PCDHGA9: variants seen among roughly 807,000 people sequenced by gnomAD.
PCDHGA9 encodes protocadherin gamma subfamily A, 9.
Under a neutral mutation model 62.5 loss-of-function variants are expected in PCDHGA9, and 37 were observed. The ratio of observed to expected loss-of-function variants is 0.59; its 90% CI spans 0.46 to 0.78. PCDHGA9 has a LOEUF of 0.78. PCDHGA9 is among the 30% of genes least tolerant of loss of function. The pLI is 0.00. For synonymous variants in PCDHGA9, 459 were observed against 484.6 expected (o/e 0.95, Z 0.69); for missense variants, 1,138 against 1,166.2 (o/e 0.98, Z 0.35).
chr5:141,482,248 C>G (rs1056466272), intron 1 of PCDHGA9, among the ~76,000 whole-genome samples: 1 of 152,084 alleles, frequency 6.6e-6, no homozygotes, highest in African/African-American at 2.4e-5. Context: ...AAGTATAGTA[C>G]TGTACATATT....
chr5:141,405,140 G>A lies in PCDHGA9; in HGVS notation c.2188G>A (p.Asp730Asn). ...HSSHLLRATS[D>N]GLAGVPTSHF... ...CTCGCATCTGCTGCGGGCTACCAGTGATGGGTTGGCTGGTGTGCCCACCTC... is the reference window on the plus strand; with the variant it reads ...CTCGCATCTGCTGCGGGCTACCAGTAATGGGTTGGCTGGTGTGCCCACCTC... Residue 730 changes from aspartate (D) to asparagine (N), a missense_variant, in exon 1 of 4, where the codon GAT (aspartate) becomes AAT (asparagine). Physicochemically the swap from Asp to Asn is conservative, Grantham distance 23. Transcript: ENST00000573521. The A allele has an allele frequency of 6.2e-7, 1 of 1,614,072 alleles. No individual in the cohort carries two copies. The highest frequency in any genetic ancestry group is 8.5e-7 in the Non-Finnish European group (1 of 1,179,926).
chr5:141,456,748 A>C (rs1448893002), intron 1 of PCDHGA9, among the ~76,000 whole-genome samples: 1 of 151,852 alleles, frequency 6.6e-6, no homozygotes, highest in Non-Finnish European at 1.5e-5. Context: ...GAGCATCATG[A>C]GGTCAGGAGT....
In PCDHGA9 at chr5:141,402,990, T is replaced by A. The variant is rs773089843; in HGVS notation, c.38T>A (p.Leu13Ter). ...ACCAAATGCCAGCTCCGCGGAAGAT[T>A]AGTCCTGCTATGCTCGCTCCTGGGG... ...APTKCQLRGR[L>*]VLLCSLLGML... The change falls in exon 1 of 4, where the codon TTA (leucine) becomes TAA (stop). Residue 13 changes from leucine to a stop codon, truncating the protein, a stop_gained. Transcript: ENST00000573521. LOFTEE classifies it high-confidence loss of function. The A allele has an allele frequency of 1.6e-5, 26 of 1,611,934 alleles. No homozygotes were observed. Among genetic ancestry groups the A allele is most frequent in the Non-Finnish European group, 2.0e-5 (23 of 1,179,258 alleles).
intron 1 of PCDHGA9, chr5:141,419,183 A>G (rs1453963573): frequency 1.9e-6 from 3 of 1,613,958 alleles, no homozygotes; most frequent in Non-Finnish European, 1.7e-6. Context: ...AACCCTGCAC[A>G]TTACTGACGT....
At chr5:141,421,322 T>A (rs774885270) in intron 1 of PCDHGA9, 1 of 1,613,864 alleles carries the variant, frequency 6.2e-7, no homozygotes, top group Non-Finnish European at 8.5e-7. Context: ...GCCAGGCAGA[T>A]CCGATATTCG....
chr5:141,451,976 A>T (rs2098729884), intron 1 of PCDHGA9, among the ~76,000 whole-genome samples: 1 of 152,164 alleles, frequency 6.6e-6, no homozygotes, highest in Non-Finnish European at 1.5e-5. Flanking sequence ...TTTTTGCTGT[A>T]GTTTGTTCAT....
At chr5:141,428,613 CAAGAT>C (rs1385471747) in intron 1 of PCDHGA9, 1 of 212,608 alleles carries the variant, frequency 4.7e-6, no homozygotes, top group African/African-American at 2.3e-5. Flanking sequence ...AAGAGAATAA[CAAGAT>C]AAGCTCTAAC....
intron 1 of PCDHGA9, chr5:141,415,450 C>T (rs774745130): frequency 1.9e-6 from 3 of 1,614,202 alleles, no homozygotes; most frequent in Non-Finnish European, 2.5e-6. Flanking sequence ...GACCTATTCC[C>T]ACGAGGTCTC....
chr5:141,411,924 C>G lies in PCDHGA9; in HGVS notation c.2424+6548C>G, dbSNP rs116336964. ...TTGCCTTTGCACTCAGTCTCTGTCTCTGATTCTCTGATAGAAGATTTTTGA... is the reference window on the plus strand; with the variant it reads ...TTGCCTTTGCACTCAGTCTCTGTCTGTGATTCTCTGATAGAAGATTTTTGA... On this transcript the variant is annotated intron_variant, in intron 1 of 3. Coordinates refer to ENST00000573521, the MANE Select transcript of PCDHGA9 (RefSeq NM_018921.3). The G allele has an allele frequency of 5.8e-4, 88 of 152,306 alleles. 1 individual carries two copies. Among genetic ancestry groups the G allele is most frequent in the African/African-American group, 2.0e-3 (83 of 41,556 alleles). 9.4% of individuals were successfully genotyped at this position (152,306 alleles called of 1,614,324 possible). A position where few individuals can be genotyped will look rare whatever the true frequency, so the allele number is the denominator to read the frequency against.
chr5:141,482,049 C>G (rs1456071625), intron 1 of PCDHGA9, among the ~76,000 whole-genome samples: 2 of 149,284 alleles, frequency 1.3e-5, no homozygotes, highest in Non-Finnish European at 3.0e-5. Context: ...CATGCTGTTG[C>G]ATTCCAGCCT....
At chr5:141,478,804 G>C (rs765938054) in intron 1 of PCDHGA9, 48 of 1,462,396 alleles carry the variant, frequency 3.3e-5, no homozygotes, top group Non-Finnish European at 4.1e-5. Context: ...GCACTCTTTT[G>C]CTATCACAAC....
intron 1 of PCDHGA9, among the ~76,000 whole-genome samples, chr5:141,430,159 A>G (rs1324343997): frequency 6.6e-6 from 1 of 152,176 alleles, no homozygotes; most frequent in Non-Finnish European, 1.5e-5. Context: ...CAAGGAATCT[A>G]TTTAAAAATA....
In PCDHGA9 at chr5:141,477,955, C is replaced by T. The variant is rs748233998; in HGVS notation, c.2425-16852C>T. The T allele has an allele frequency of 3.7e-6, 6 of 1,614,004 alleles. No homozygotes were observed. Among genetic ancestry groups the T allele is most frequent in the Admixed American group, 3.3e-5 (2 of 59,988 alleles). On this transcript the variant is annotated intron_variant, in intron 1 of 3. Transcript: ENST00000573521. This position sits in a 1 kb window ranked among gnomAD's most constrained non-coding sequence, Gnocchi z 4.9. ...GGCTCTCCTACAGTCTCTTGGGATCCCCTAACCAGAGCCTTTTTGCCATAG... is the reference window on the plus strand; with the variant it reads ...GGCTCTCCTACAGTCTCTTGGGATCTCCTAACCAGAGCCTTTTTGCCATAG...
intron 1 of PCDHGA9, among the ~76,000 whole-genome samples, chr5:141,466,493 A>G (rs2099123402): frequency 6.6e-6 from 1 of 152,226 alleles, no homozygotes; most frequent in South Asian, 2.1e-4. Context: ...TTCTTTAATT[A>G]GAGCACAGAC....
chr5:141,485,466 T>C lies in PCDHGA9; in HGVS notation c.2425-9341T>C, dbSNP rs1485922901. ...ATCGACCGAGAGGCACTGTGTGGGC[T>C]CAGTGCCAGCTGCATCGTGCCCCTG... On this transcript the variant is annotated intron_variant, in intron 1 of 3. Transcript: ENST00000573521. The surrounding 1 kb of genome is among the most constrained non-coding windows in gnomAD (Gnocchi z 5.7). 6.2e-7 allele frequency: 1 copy of C among 1,613,868 alleles called. No individual in the cohort carries two copies. Among genetic ancestry groups the C allele is most frequent in the Non-Finnish European group, 8.5e-7 (1 of 1,179,924 alleles).
At chr5:141,500,227 G>T (rs959087347) in intron 2 of PCDHGA9, among the ~76,000 whole-genome samples, 15 of 116,224 alleles carry the variant, frequency 1.3e-4, no homozygotes, top group African/African-American at 2.9e-4. Context: ...TTTATTTATT[G>T]ATACGTAGCC....
At chr5:141,500,295 G>A (rs911106966) in intron 2 of PCDHGA9, among the ~76,000 whole-genome samples, 2 of 151,282 alleles carry the variant, frequency 1.3e-5, no homozygotes, top group African/African-American at 4.9e-5. Flanking sequence ...TGCAAGCTCC[G>A]CCTCCCAGGT....
In PCDHGA9 at chr5:141,512,517, A is replaced by G. The variant is rs985434754; in HGVS notation, c.*1344A>G. ...GTCCCCAGTGCGCCCCCTAGTGGCC[A>G]TAGCCTGGTTAAAGTTCCCCAGTGC... On this transcript the variant is annotated 3_prime_UTR_variant, in exon 4 of 4. Coordinates refer to ENST00000573521, the MANE Select transcript of PCDHGA9 (RefSeq NM_018921.3). 3 of 152,938 alleles carry G rather than the reference A, an allele frequency of 2.0e-5. No individual in the cohort carries two copies. Among genetic ancestry groups the G allele is most frequent in the African/African-American group, 7.2e-5 (3 of 41,464 alleles). 9.5% of individuals were successfully genotyped at this position (152,938 alleles called of 1,614,324 possible).
In PCDHGA9 at chr5:141,404,934, C is replaced by G; in HGVS notation, c.1982C>G (p.Thr661Arg). Residue 661 changes from threonine (T) to arginine (R), a missense_variant, in exon 1 of 4, where the codon ACA becomes AGA. Thr to Arg is a moderately conservative substitution (Grantham distance 71). Transcript: ENST00000573521. Reference sequence around the variant, plus strand: ...CCTCTCTCGGCCACTGTCACGCTCACAGTAGCCATAGCTGACAGCATCCCA... The same window carrying G: ...CCTCTCTCGGCCACTGTCACGCTCAGAGTAGCCATAGCTGACAGCATCCCA... ...QPPLSATVTLTVAIADSIPDI... is the reference protein window; with the variant it reads ...QPPLSATVTLRVAIADSIPDI... The G allele has an allele frequency of 6.2e-7, 1 of 1,613,986 alleles. No individual in the cohort carries two copies.
Sources: gnomAD v4.1 joint callset for allele counts (sites outside exome capture counted in the v4.1 genomes callset) on GRCh38, gnomAD v4.1.1 for gene constraint, Gnocchi (gnomAD v3.1) non-coding constraint, MANE v1.5 for transcripts, NCBI Gene and HGNC (gene_info 2026-07-23, HGNC 2026-07-21) for gene names.